Variants in SCFD1 observed in about 807,000 individuals in gnomAD.
The protein encoded by SCFD1 is sec1 family domain-containing protein 1.
SCFD1 carries 37 observed loss-of-function variants against 103.2 expected under a neutral mutation model. The observed-to-expected ratio is 0.36, with a 90% CI of 0.28 to 0.47. SCFD1 has a LOEUF of 0.47. Ranked by LOEUF, SCFD1 falls within the 20% of genes least tolerant of loss-of-function variation. SCFD1 has a pLI of 1.00. For synonymous variants in SCFD1, 264 were observed against 245.0 expected, an observed-to-expected ratio of 1.08 and a Z score of -0.73; for missense variants, 639 against 761.2, an observed-to-expected ratio of 0.84 and a Z score of 1.89.
chr14:30,704,324 C>T (rs1334290453), intron 17 of SCFD1, among the ~76,000 whole-genome samples: 1 of 152,048 alleles, frequency 6.6e-6, no homozygotes, highest in East Asian at 1.9e-4. Flanking sequence ...CAGGTGTGCA[C>T]CACTGCACCC....
intron 20 of SCFD1, among the ~76,000 whole-genome samples, chr14:30,717,683 G>T (rs547746696): frequency 6.6e-6 from 1 of 152,126 alleles, no homozygotes; most frequent in Admixed American, 6.5e-5. Context: ...CTTGAGGTCA[G>T]GAGTTCAAAA....
chr14:30,648,586 G>A (rs904586219), intron 7 of SCFD1, among the ~76,000 whole-genome samples: 1 of 152,108 alleles, frequency 6.6e-6, no homozygotes, highest in Non-Finnish European at 1.5e-5. Flanking sequence ...TCAAATTAAT[G>A]TGAAACCTGT....
intron 14 of SCFD1, among the ~76,000 whole-genome samples, chr14:30,678,171 A>G (rs1039102985): frequency 1.8e-4 from 27 of 152,228 alleles, no homozygotes; most frequent in South Asian, 8.3e-4. Context: ...AGATTGTGTC[A>G]TGTAGAGGTC....
chr14:30,734,726 T>C, intron 23 of SCFD1, 64 bp from the exon 24 acceptor site: 2 of 1,255,912 alleles, frequency 1.6e-6, no homozygotes, highest in South Asian at 2.4e-5. Context: ...TTAATCTCTT[T>C]TCTTGGGAAT....
In SCFD1 at chr14:30,708,073, C is replaced by T. The variant is rs772827050; in HGVS notation, c.1629+8C>T. ...CTGGTTTTGAAACAGCAAGTAAGTA[C>T]ACTTGTTAGAAAACATACTGGTAAC... is the stretch of plus-strand genomic sequence containing the variant. On this transcript the variant is annotated splice_region_variant and intron_variant, in intron 19 of 24. Coordinates refer to ENST00000458591, the MANE Select transcript of SCFD1 (RefSeq NM_016106.4). 23 of 1,573,200 alleles carry T rather than the reference C, an allele frequency of 1.5e-5. No homozygotes were observed. In the African/African-American group the frequency reaches 2.7e-4, roughly 18 times the overall value.
intron 17 of SCFD1, among the ~76,000 whole-genome samples, chr14:30,703,966 T>TATATATATATATAA (rs1433198478): frequency 1.1e-5 from 1 of 90,918 alleles, no homozygotes; most frequent in Non-Finnish European, 2.2e-5. Context: ...TATATATAAA[T>TATATATATATATAA]AATGAGATAT....
intron 7 of SCFD1, chr14:30,644,028 A>G (rs768275537): frequency 4.4e-6 from 2 of 455,680 alleles, no homozygotes; most frequent in South Asian, 3.1e-5. Context: ...GGTAGACCCC[A>G]ATATCTATTA....
intron 10 of SCFD1, among the ~76,000 whole-genome samples, chr14:30,665,919 T>G (rs532849868): frequency 6.6e-6 from 1 of 151,928 alleles, no homozygotes; most frequent in Non-Finnish European, 1.5e-5. Context: ...ACAAAACAAG[T>G]CCTTAGAGAC....
chr14:30,691,932 C>CTTTATTTA (rs10639442), intron 14 of SCFD1, among the ~76,000 whole-genome samples: 28,456 of 143,054 alleles, frequency 0.2, 3,159 homozygotes, highest in East Asian at 0.44. Flanking sequence ...ATTTAGCATA[C>CTTTATTTA]TTTATTTATT....
rs1483608154 is a variant in SCFD1 at position 30,716,000 on chromosome 14, T to A, written c.1683+23T>A. Reference sequence around the variant, plus strand: ...CCCGTGAGTACCATATAACATATTTTGTGTAAATTCCCGAATGTGTCAAAC... The same window carrying A: ...CCCGTGAGTACCATATAACATATTTAGTGTAAATTCCCGAATGTGTCAAAC... On this transcript the variant is annotated intron_variant, in intron 20 of 24. Transcript: ENST00000458591. The A allele has an allele frequency of 7.1e-6, 10 of 1,409,980 alleles. No individual in the cohort carries two copies. In the East Asian group the frequency reaches 2.4e-4, roughly 33 times the overall value. The allele number at this position is 1,409,980 out of a possible 1,614,324, so 87.3% of individuals were successfully genotyped here.
intron 15 of SCFD1, among the ~76,000 whole-genome samples, chr14:30,697,618 A>G (rs1488866092): frequency 6.6e-6 from 1 of 152,224 alleles, no homozygotes; most frequent in Non-Finnish European, 1.5e-5. Context: ...GTGGAGAGGA[A>G]GGAGCTCAGG....
At chr14:30,644,739 C>T (rs1885640625) in intron 7 of SCFD1, among the ~76,000 whole-genome samples, 2 of 151,782 alleles carry the variant, frequency 1.3e-5, no homozygotes, top group South Asian at 4.1e-4. Context: ...CTTATAAATT[C>T]TGTTGGATGC....
intron 1 of SCFD1, among the ~76,000 whole-genome samples, chr14:30,625,644 T>C (rs1033555186): frequency 3.3e-5 from 5 of 149,870 alleles, no homozygotes; most frequent in African/African-American, 4.9e-5. Context: ...TATAGGCATA[T>C]AGGTATACCT....
chr14:30,645,758 T>G (rs924215414), intron 7 of SCFD1, among the ~76,000 whole-genome samples: 1 of 152,170 alleles, frequency 6.6e-6, no homozygotes, highest in Non-Finnish European at 1.5e-5. Context: ...AGGTATAAGA[T>G]CATATAACCT....
intron 23 of SCFD1, among the ~76,000 whole-genome samples, chr14:30,729,552 G>C (rs1043898984): frequency 6.6e-6 from 1 of 152,090 alleles, no homozygotes; most frequent in African/African-American, 2.4e-5. Context: ...GGATCTATAG[G>C]TCTTTTCTTG....
At chr14:30,652,436 T>G (rs1886486456) in intron 9 of SCFD1, 1 of 152,136 alleles carries the variant, frequency 6.6e-6, no homozygotes, top group Non-Finnish European at 1.5e-5. Context: ...GGCATTATGT[T>G]TTCATTTTGT....
At chr14:30,707,384 T>C (rs2139362450) in intron 18 of SCFD1, among the ~76,000 whole-genome samples, 1 of 152,348 alleles carries the variant, frequency 6.6e-6, no homozygotes, top group South Asian at 2.1e-4. Flanking sequence ...GTTTAAAATG[T>C]AGACAACATT....
At chr14:30,632,446 T>C (rs1884277476) in intron 3 of SCFD1, among the ~76,000 whole-genome samples, 1 of 152,184 alleles carries the variant, frequency 6.6e-6, no homozygotes, top group Non-Finnish European at 1.5e-5. Context: ...GTATATAAAA[T>C]ATATTTTAAA....
intron 14 of SCFD1, among the ~76,000 whole-genome samples, chr14:30,677,706 A>G (rs1022753702): frequency 4.0e-5 from 6 of 151,282 alleles, no homozygotes; most frequent in African/African-American, 1.5e-4. Flanking sequence ...TAAGCCACCT[A>G]CTGCTGGCTG....
Sources: allele counts gnomAD v4.1 joint callset (sites outside exome capture counted in the v4.1 genomes callset), GRCh38; gene constraint gnomAD v4.1.1; transcripts MANE v1.5; gene names NCBI Gene and HGNC (gene_info 2026-07-23, HGNC 2026-07-21).